IL6R: variants seen among roughly 807,000 people sequenced by gnomAD.
IL6R encodes the protein interleukin-6 receptor subunit alpha.
IL6R carries 38 observed loss-of-function variants against 48.3 expected under a neutral mutation model. That is an observed-to-expected ratio of 0.79 (90% CI 0.61 to 1.03). The LOEUF is 1.03. Among genes scored for constraint, IL6R ranks in the 50% least tolerant of loss-of-function variants. IL6R has a pLI of 0.00. For missense variants in IL6R, 534 were observed against 618.3 expected, an observed-to-expected ratio of 0.86 and a Z score of 1.45; for synonymous variants, 264 against 256.2, an observed-to-expected ratio of 1.03 and a Z score of -0.29.
chr1:154,434,740 CT>C (rs911953789), intron 4 of IL6R, 40 bp downstream of exon 4: 5 of 1,576,476 alleles, frequency 3.2e-6, no homozygotes, highest in Non-Finnish European at 4.3e-6. Context: ...GTTTCCTTCT[CT>C]TTTGATTTAA....
chr1:154,451,379 G>A (rs1051600974), intron 8 of IL6R, among the ~76,000 whole-genome samples: 1 of 152,010 alleles, frequency 6.6e-6, no homozygotes, highest in Non-Finnish European at 1.5e-5. Flanking sequence ...TTAGCCAGGC[G>A]TGATGGCAGG....
At chr1:154,433,120 T>A (rs1406471217) in intron 3 of IL6R, among the ~76,000 whole-genome samples, 1 of 152,168 alleles carries the variant, frequency 6.6e-6, no homozygotes, top group African/African-American at 2.4e-5. Context: ...TGACCCTGCC[T>A]TCGTGGCTGG....
At chr1:154,457,457 G>T (rs546296378) in intron 9 of IL6R, among the ~76,000 whole-genome samples, 1 of 152,148 alleles carries the variant, frequency 6.6e-6, no homozygotes, top group African/African-American at 2.4e-5. Flanking sequence ...GGAACTTAAA[G>T]GTCACCTTTA....
intron 1 of IL6R, among the ~76,000 whole-genome samples, chr1:154,420,337 T>A (rs1464903877): frequency 6.6e-6 from 1 of 151,828 alleles, no homozygotes; most frequent in Non-Finnish European, 1.5e-5. Context: ...CAGGTCACAG[T>A]CTGAATCCTC....
chr1:154,429,593 A>T, intron 2 of IL6R, 149 bp downstream of exon 2: 1 of 937,552 alleles, frequency 1.1e-6, no homozygotes. Context: ...TGCCATCCAG[A>T]TGCTGGCAAA....
At chr1:154,425,180 T>TAAA (rs1688896364) in intron 1 of IL6R, among the ~76,000 whole-genome samples, 1 of 152,190 alleles carries the variant, frequency 6.6e-6, no homozygotes, top group Non-Finnish European at 1.5e-5. Context: ...TTTCTGCCTT[T>TAAA]TAGTTTTTAC....
chr1:154,463,155 G>GTT (rs11289103), intron 9 of IL6R, among the ~76,000 whole-genome samples: 2,047 of 149,110 alleles, frequency 0.014, 53 homozygotes, highest in African/African-American at 0.048. Flanking sequence ...TGCATAAAGG[G>GTT]TTTTTTTTTT....
intron 2 of IL6R, among the ~76,000 whole-genome samples, 157 bp from the exon 3 acceptor site, chr1:154,430,326 T>C (rs1486182183): frequency 1.3e-5 from 2 of 152,174 alleles, no homozygotes; most frequent in African/African-American, 2.4e-5. Flanking sequence ...ATTCCATTCA[T>C]GTGTGGCTGA....
intron 5 of IL6R, 28 bp from the exon 6 acceptor site, chr1:154,435,941 C>T: frequency 6.3e-7 from 1 of 1,578,248 alleles, no homozygotes; most frequent in Non-Finnish European, 8.6e-7. Flanking sequence ...TGGATACCTC[C>T]CCAGAGTCAC....
At chr1:154,459,211 A>G (rs145664004) in intron 9 of IL6R, among the ~76,000 whole-genome samples, 1 of 152,268 alleles carries the variant, frequency 6.6e-6, no homozygotes, top group East Asian at 1.9e-4. Flanking sequence ...TTGGGAACAG[A>G]CCTGGTTTGC....
chr1:154,443,460 C>G (rs1039069249), intron 6 of IL6R, among the ~76,000 whole-genome samples: 6 of 152,192 alleles, frequency 3.9e-5, no homozygotes, highest in African/African-American at 1.4e-4. Flanking sequence ...TTTTCTGCAG[C>G]TTTCTGGAAC....
Position 154,429,189 on chromosome 1 carries a change from C to T in IL6R, c.86-7C>T, listed in dbSNP as rs771599478. ...TGGGCTCACCAAGTGTCTTCTCCCT[C>T]CTCCAGAGGTGGCGAGAGGCGTGCT... is the stretch of plus-strand genomic sequence containing the variant. On this transcript the variant is annotated splice_region_variant and splice_polypyrimidine_tract_variant and intron_variant, in intron 1 of 9. Coordinates refer to ENST00000368485, the MANE Select transcript of IL6R (RefSeq NM_000565.4). 6.2e-7 allele frequency: 1 copy of T among 1,606,132 alleles called. No individual in the cohort carries two copies.
chr1:154,408,230 G>A (rs1278289405), intron 1 of IL6R, among the ~76,000 whole-genome samples: 2 of 152,138 alleles, frequency 1.3e-5, no homozygotes, highest in African/African-American at 2.4e-5. Flanking sequence ...GTTTGAGGAC[G>A]GCTGCCTAAA....
chr1:154,430,740 A>G (rs1689251367), intron 3 of IL6R, 134 bp downstream of exon 3: 4 of 1,205,736 alleles, frequency 3.3e-6, no homozygotes, highest in Middle Eastern at 2.3e-4. Flanking sequence ...AGAGGAGATG[A>G]GAGGGAACTG....
intron 1 of IL6R, among the ~76,000 whole-genome samples, chr1:154,410,588 C>T (rs1302253808): frequency 6.6e-6 from 1 of 152,102 alleles, no homozygotes; most frequent in Non-Finnish European, 1.5e-5. Context: ...TGTTCTTTAC[C>T]CTCTCCTCTT....
At chr1:154,442,603 A>G (rs1419326750) in intron 6 of IL6R, among the ~76,000 whole-genome samples, 1 of 152,200 alleles carries the variant, frequency 6.6e-6, no homozygotes, top group African/African-American at 2.4e-5. Flanking sequence ...ACTGTAGCCC[A>G]GGATAGCCTT....
chr1:154,411,879 C>G (rs1688040229), intron 1 of IL6R, among the ~76,000 whole-genome samples: 1 of 151,190 alleles, frequency 6.6e-6, no homozygotes, highest in Non-Finnish European at 1.5e-5. Flanking sequence ...ACAACAACAA[C>G]AACAAAAGTA....
intron 6 of IL6R, among the ~76,000 whole-genome samples, chr1:154,439,142 A>G (rs1054301344): frequency 1.3e-5 from 2 of 152,018 alleles, no homozygotes; most frequent in African/African-American, 4.8e-5. Flanking sequence ...GAGGAATAGG[A>G]ATTCCAAATA....
At chr1:154,445,220 G>A in intron 6 of IL6R, 3 of 409,540 alleles carry the variant, frequency 7.3e-6, no homozygotes, top group South Asian at 5.3e-5. Flanking sequence ...GTGAAGTAGG[G>A]TCCCCTTGCT....
Sources: allele counts gnomAD v4.1 joint callset (sites outside exome capture counted in the v4.1 genomes callset), GRCh38; gene constraint gnomAD v4.1.1; transcripts MANE v1.5; gene names NCBI Gene and HGNC (gene_info 2026-07-23, HGNC 2026-07-21).